The following PRKDC variants were observed in gnomAD, a reference collection of about 807,000 sequenced individuals.
PRKDC encodes the protein protein kinase, DNA-activated, catalytic subunit, also known as DNA-dependent protein kinase catalytic subunit.
In PRKDC, 82 loss-of-function variants were observed where a neutral mutation model predicts 486.9. That is an observed-to-expected ratio of 0.17 (90% CI 0.14 to 0.20). The LOEUF is 0.20. Ranked by LOEUF, PRKDC falls within the 10% of genes least tolerant of loss-of-function variation. The pLI is 1.00. For missense variants in PRKDC, 4,504 were observed against 5,038.2 expected, an observed-to-expected ratio of 0.89 and a Z score of 3.21; for synonymous variants, 1,895 against 1,837.0, an observed-to-expected ratio of 1.03 and a Z score of -0.81.
chr8:47,785,608 C>T (rs2086777702), intron 76 of PRKDC, among the ~76,000 whole-genome samples: 1 of 152,150 alleles, frequency 6.6e-6, no homozygotes, highest in Admixed American at 6.6e-5. Flanking sequence ...ATGGCACATG[C>T]CTGTAGTTCC....
At chr8:47,916,219 G>C (rs1052228966) in intron 22 of PRKDC, among the ~76,000 whole-genome samples, 1 of 152,098 alleles carries the variant, frequency 6.6e-6, no homozygotes, top group Non-Finnish European at 1.5e-5. Flanking sequence ...AGGCCAAGGT[G>C]GGCAGATCAC....
At chr8:47,883,668 T>G (rs1308839269) in intron 36 of PRKDC, among the ~76,000 whole-genome samples, 1 of 152,278 alleles carries the variant, frequency 6.6e-6, no homozygotes, top group Non-Finnish European at 1.5e-5. Context: ...TTTTAATTTC[T>G]GATGCCTATG....
chr8:47,774,386 A>C lies in PRKDC; in HGVS notation c.12183-9T>G, dbSNP rs1010355505. 1 of 1,610,266 alleles carries C rather than the reference A, an allele frequency of 6.2e-7. No homozygotes were observed. Among genetic ancestry groups the C allele is most frequent in the African/African-American group, 1.3e-5 (1 of 74,854 alleles). On this transcript the variant is annotated splice_polypyrimidine_tract_variant and intron_variant, in intron 85 of 85. Coordinates refer to ENST00000314191, the MANE Select transcript of PRKDC (RefSeq NM_006904.7). Reference sequence around the variant, plus strand: ...CCAGGAGTAGCTCATCACTGGAAAAAAAACAAACACAGAAAACACAAAGCA... The same window carrying C: ...CCAGGAGTAGCTCATCACTGGAAAACAAACAAACACAGAAAACACAAAGCA...
chr8:47,811,918 A>C (rs952751716), intron 68 of PRKDC, among the ~76,000 whole-genome samples: 3 of 152,242 alleles, frequency 2.0e-5, no homozygotes, highest in Admixed American at 1.3e-4. Flanking sequence ...TGCAGGTTGC[A>C]GTGAGCCAAG....
At chr8:47,876,248 A>G (rs1180868777) in intron 40 of PRKDC, among the ~76,000 whole-genome samples, 1 of 152,246 alleles carries the variant, frequency 6.6e-6, no homozygotes, top group African/African-American at 2.4e-5. Context: ...TCTGTAAAAT[A>G]CAACTCAAGA....
chr8:47,854,167 T>C lies in PRKDC; in HGVS notation c.6809A>G (p.Asn2270Ser), dbSNP rs2088480832. 1 of 1,613,616 alleles carries C rather than the reference T, an allele frequency of 6.2e-7. No homozygotes were observed. The highest frequency in any genetic ancestry group is 8.5e-7 in the Non-Finnish European group (1 of 1,179,538). The change falls in exon 51 of 86, where the codon AAC becomes AGC. Residue 2270 changes from asparagine to serine, a missense_variant. By Grantham distance (46) the Asn-to-Ser change is conservative. Around this residue, in one of 6 missense-constraint regions of PRKDC, gnomAD observed 1,592 missense variants for 1,724.6 expected, o/e 0.92. Transcript: ENST00000314191. Reference sequence around the variant, plus strand: ...GCCTAGCAATTGAATCCCTACTGAGTTGTCTTTAGAATTAGGATCTTTACC... The same window carrying C: ...GCCTAGCAATTGAATCCCTACTGAGCTGTCTTTAGAATTAGGATCTTTACC... ...FSGKDPNSKDNSVGIQLLGIV... is the reference protein window; with the variant it reads ...FSGKDPNSKDSSVGIQLLGIV...
In PRKDC at chr8:47,782,189, G is replaced by A. The variant is rs1389195486; in HGVS notation, c.11462C>T (p.Ser3821Phe). 1 of 1,613,994 alleles carries A rather than the reference G, an allele frequency of 6.2e-7. No individual in the cohort carries two copies. The highest frequency in any genetic ancestry group is 8.5e-7 in the Non-Finnish European group (1 of 1,179,874). Residue 3821 changes from serine to phenylalanine, a missense_variant, in exon 80 of 86, where the codon TCC (serine) becomes TTC (phenylalanine). Transcript: ENST00000314191. This position sits in a 1 kb window ranked among gnomAD's most constrained non-coding sequence, Gnocchi z 4.9. ...CAGGTAAGCCGCCTTCTCCTCTTGG[G>A]ACATGGTGTTCAAAAGAAGGTCCTT... ...TLKDLLLNTM[S>F]QEEKAAYLSD... is the part of the protein sequence containing the mutation.
intron 74 of PRKDC, among the ~76,000 whole-genome samples, chr8:47,793,861 A>T (rs2086928654): frequency 6.6e-6 from 1 of 152,148 alleles, no homozygotes; most frequent in Non-Finnish European, 1.5e-5. Flanking sequence ...TCCTTGAAAT[A>T]GTTGCGCACT....
intron 14 of PRKDC, among the ~76,000 whole-genome samples, chr8:47,934,589 A>G (rs954263408): frequency 2.6e-5 from 4 of 152,216 alleles, no homozygotes; most frequent in Non-Finnish European, 5.9e-5. Flanking sequence ...TTCTTCTGTG[A>G]CTAAAACTGT....
At chr8:47,777,278 G>A (rs2086624656) in intron 84 of PRKDC, among the ~76,000 whole-genome samples, 1 of 151,586 alleles carries the variant, frequency 6.6e-6, no homozygotes, top group Non-Finnish European at 1.5e-5. Context: ...GCGTGATCTC[G>A]GCTCACTGCA....
chr8:47,839,339 A>C (rs1250861054), intron 55 of PRKDC, 93 bp from the exon 56 acceptor site: 5 of 890,266 alleles, frequency 5.6e-6, no homozygotes, highest in Non-Finnish European at 9.0e-6. Context: ...TTCAATTTTA[A>C]AAGGCTTGTT....
chr8:47,829,097 G>A (rs2087805617), intron 61 of PRKDC, among the ~76,000 whole-genome samples: 1 of 152,224 alleles, frequency 6.6e-6, no homozygotes, highest in Non-Finnish European at 1.5e-5. Flanking sequence ...ATTACTTTGT[G>A]TAATCTTCTA....
chr8:47,890,174 A>G, intron 32 of PRKDC, 83 bp downstream of exon 32: 1 of 772,422 alleles, frequency 1.3e-6, no homozygotes, highest in East Asian at 3.5e-5. Flanking sequence ...ATTTTTATTA[A>G]AAGCCAAAAC....
Position 47,789,148 on chromosome 8 carries a change from T to C in PRKDC, c.10758+3A>G. 1 of 1,613,206 alleles carries C rather than the reference T, an allele frequency of 6.2e-7. No individual in the cohort carries two copies. Among genetic ancestry groups the C allele is most frequent in the Non-Finnish European group, 8.5e-7 (1 of 1,179,390 alleles). ...TATGTGCCAGAAGCCGTTCTATCAT[T>C]ACCTTAAAGAGCAGTTCAGGATTAG... On this transcript the variant is annotated splice_donor_region_variant and intron_variant, in intron 75 of 85. Transcript: ENST00000314191.
Position 47,803,339 on chromosome 8 carries a change from C to T in PRKDC, c.9889G>A (p.Val3297Met). ...GAGACTGTTTTCAGCACAGTGAGCACCTGCTCAGAGCAGCCCTGGGACCGG... is the reference window on the plus strand; with the variant it reads ...GAGACTGTTTTCAGCACAGTGAGCATCTGCTCAGAGCAGCCCTGGGACCGG... ...RSRSQGCSEQVLTVLKTVSLL... is the reference protein window; with the variant it reads ...RSRSQGCSEQMLTVLKTVSLL... The change falls in exon 70 of 86, where the codon GTG (valine) becomes ATG (methionine). Residue 3297 changes from valine to methionine, a missense_variant. By Grantham distance (21) the Val-to-Met change is conservative. Around this residue, in one of 6 missense-constraint regions of PRKDC, gnomAD observed 1,592 missense variants for 1,724.6 expected, o/e 0.92. Transcript: ENST00000314191. The T allele has an allele frequency of 6.2e-7, 1 of 1,613,778 alleles. No individual in the cohort carries two copies.
At chr8:47,870,671 T>TC (rs2088931252) in intron 40 of PRKDC, among the ~76,000 whole-genome samples, 1 of 152,172 alleles carries the variant, frequency 6.6e-6, no homozygotes, top group African/African-American at 2.4e-5. Context: ...TGCCCTGATA[T>TC]CAATGAACAT....
Position 47,779,077 on chromosome 8 carries a change from G to A in PRKDC, c.11506C>T (p.Pro3836Ser). ...AAYLSDPRAP[P>S]CEYKDWLTKM... ...GTCAGCCAATCTTTATATTCACACG[G>A]CGGTGCCCTGGGATCACTAATGAGT... Residue 3836 changes from proline to serine, a missense_variant, in exon 81 of 86, where the codon CCG becomes TCG. Around this residue, in one of 6 missense-constraint regions of PRKDC, gnomAD observed 706 missense variants for 945.0 expected, o/e 0.75. Transcript: ENST00000314191. 2 of 1,595,470 alleles carry A rather than the reference G, an allele frequency of 1.3e-6. No homozygotes were observed. The highest frequency in any genetic ancestry group is 1.7e-6 in the Non-Finnish European group (2 of 1,169,992).
At position 47,794,491 on chromosome 8, in the gene PRKDC, A is replaced by G; in HGVS notation, c.10469T>C (p.Val3490Ala). 6.2e-7 allele frequency: 1 copy of G among 1,608,754 alleles called. No homozygotes were observed. Among genetic ancestry groups the G allele is most frequent in the Non-Finnish European group, 8.5e-7 (1 of 1,175,320 alleles). ...CCAGCTGATGAACTGCCAGCAGGGA[A>G]CGGAAGAGATCTAAAACAGAGAGCT... ...LSLMTKEISS[V>A]PCWQFISWIS... Residue 3490 changes from valine to alanine, a missense_variant, in exon 74 of 86, where the codon GTT (valine) becomes GCT (alanine). Coordinates refer to ENST00000314191, the MANE Select transcript of PRKDC (RefSeq NM_006904.7).
At chr8:47,941,239 T>C (rs1461209587) in intron 10 of PRKDC, among the ~76,000 whole-genome samples, 2 of 152,018 alleles carry the variant, frequency 1.3e-5, no homozygotes, top group African/African-American at 2.4e-5. Context: ...AAATTATGTA[T>C]CCTTTATGTA....
Sources: allele counts gnomAD v4.1 joint callset (sites outside exome capture counted in the v4.1 genomes callset), GRCh38; gene constraint gnomAD v4.1.1; regional missense constraint gnomAD v4.1.1; non-coding constraint Gnocchi (gnomAD v3.1); transcripts MANE v1.5; gene names NCBI Gene and HGNC (gene_info 2026-07-23, HGNC 2026-07-21).